The following PTPRG variants were observed in gnomAD, a reference collection of about 807,000 sequenced individuals.
PTPRG encodes the protein receptor-type tyrosine-protein phosphatase gamma.
PTPRG carries 102 observed loss-of-function variants against 165.3 expected under a neutral mutation model. That is an observed-to-expected ratio of 0.62 (90% CI 0.53 to 0.73). PTPRG has a LOEUF of 0.73. PTPRG is among the 30% of genes least tolerant of loss of function. The probability of loss-of-function intolerance (pLI) is 0.00; values close to 1 mark genes in which losing one functional copy is unlikely to be tolerated. For missense variants in PTPRG, 1,866 were observed against 1,861.4 expected (o/e 1.00, Z -0.05); for synonymous variants, 675 against 669.5 (o/e 1.01, Z -0.13).
intron 2 of PTPRG, among the ~76,000 whole-genome samples, chr3:61,864,964 A>G (rs763310407): frequency 1.3e-5 from 2 of 152,158 alleles, no homozygotes; most frequent in African/African-American, 2.4e-5. Context: ...TGCCACTGTC[A>G]TGGGGTCACA....
intron 6 of PTPRG, among the ~76,000 whole-genome samples, chr3:62,143,634 A>G (rs1359421196): frequency 1.3e-5 from 2 of 151,224 alleles, no homozygotes; most frequent in African/African-American, 4.9e-5. Flanking sequence ...AAGTAATCTC[A>G]CGTTGAACCT....
chr3:61,717,462 C>A (rs1339200793), intron 1 of PTPRG, among the ~76,000 whole-genome samples: 1 of 152,076 alleles, frequency 6.6e-6, no homozygotes, highest in Non-Finnish European at 1.5e-5. Flanking sequence ...ACTTTTTTTA[C>A]TTGAAGGAGA....
chr3:61,783,833 G>C (rs1277045783), intron 2 of PTPRG, among the ~76,000 whole-genome samples: 1 of 152,176 alleles, frequency 6.6e-6, no homozygotes, highest in Non-Finnish European at 1.5e-5. Context: ...TTGTCGTGGA[G>C]AGCCTTCATG....
chr3:61,969,635 T>G (rs2040341338), intron 2 of PTPRG, among the ~76,000 whole-genome samples: 1 of 152,016 alleles, frequency 6.6e-6, no homozygotes, highest in African/African-American at 2.4e-5. Context: ...TTAGAAAGTT[T>G]TTTCCATAAA....
intron 2 of PTPRG, among the ~76,000 whole-genome samples, chr3:61,889,431 T>C (rs975890206): frequency 1.3e-5 from 2 of 152,238 alleles, no homozygotes; most frequent in Non-Finnish European, 2.9e-5. Context: ...TTGTGTTATA[T>C]ATCCATGACC....
intron 2 of PTPRG, chr3:61,753,579 T>G (rs1051277776): frequency 4.8e-6 from 2 of 419,452 alleles, no homozygotes; most frequent in Non-Finnish European, 4.6e-6. Flanking sequence ...AAGTAGAAAT[T>G]TGAGGGTTTT....
intron 2 of PTPRG, among the ~76,000 whole-genome samples, chr3:61,920,109 A>G (rs1398655497): frequency 6.6e-6 from 1 of 152,220 alleles, no homozygotes; most frequent in Admixed American, 6.5e-5. Flanking sequence ...CTCCATAGGG[A>G]GATCCCACAT....
intron 2 of PTPRG, among the ~76,000 whole-genome samples, chr3:61,916,006 A>C (rs2038926979): frequency 1.3e-5 from 2 of 152,240 alleles, no homozygotes; most frequent in South Asian, 4.1e-4. Context: ...CAAGTAAACT[A>C]TTCAACTGCT....
intron 2 of PTPRG, among the ~76,000 whole-genome samples, chr3:61,903,483 C>T (rs1457727427): frequency 2.6e-5 from 4 of 152,176 alleles, no homozygotes; most frequent in Admixed American, 6.5e-5. Context: ...AGGTGATTCT[C>T]GTGTCTCAGC....
intron 4 of PTPRG, among the ~76,000 whole-genome samples, chr3:62,032,659 A>G (rs1299354888): frequency 3.3e-5 from 5 of 152,230 alleles, no homozygotes; most frequent in Non-Finnish European, 2.9e-5. Flanking sequence ...CGAGACTAAA[A>G]TGCAGTGAAA....
chr3:61,678,122 A>G (rs1703300170), intron 1 of PTPRG, among the ~76,000 whole-genome samples: 1 of 152,176 alleles, frequency 6.6e-6, no homozygotes. Flanking sequence ...CATCCAGCTC[A>G]GCTCGTGCTG....
chr3:61,576,779 T>C (rs530508415), intron 1 of PTPRG, among the ~76,000 whole-genome samples: 41 of 152,328 alleles, frequency 2.7e-4, no homozygotes, highest in African/African-American at 8.9e-4. Context: ...TTTGAACTTA[T>C]ATTTGACTCA....
At chr3:62,186,692 A>G (rs1026455449) in intron 8 of PTPRG, among the ~76,000 whole-genome samples, 2 of 149,736 alleles carry the variant, frequency 1.3e-5, no homozygotes, top group Admixed American at 1.3e-4. Flanking sequence ...TAGCCTCCTG[A>G]GTAGCTGGGA....
At chr3:62,138,066 G>C (rs1442937253) in intron 6 of PTPRG, among the ~76,000 whole-genome samples, 1 of 152,166 alleles carries the variant, frequency 6.6e-6, no homozygotes, top group Admixed American at 6.5e-5. Context: ...GAACTTCTTA[G>C]ACCACTGCTG....
chr3:62,058,700 C>G (rs1221447403), intron 4 of PTPRG, among the ~76,000 whole-genome samples: 1 of 152,092 alleles, frequency 6.6e-6, no homozygotes, highest in Admixed American at 6.6e-5. Context: ...CCCAAGTAGG[C>G]AGTAGGGACC....
rs546297764 is a variant in PTPRG at position 61,811,817 on chromosome 3, G to T, written c.190+62835G>T. ...ATATAAAAATTCCCTCAAGAGTGCT[G>T]ACAGCATACCTTGCCTGTTATTACA... On this transcript the variant is annotated intron_variant, in intron 2 of 29. Coordinates refer to ENST00000474889, the MANE Select transcript of PTPRG (RefSeq NM_002841.4). Among the ~76,000 whole-genome samples the T allele has an allele frequency of 2.6e-5, 4 of 152,280 alleles. No individual in the cohort carries two copies. In the South Asian group the frequency reaches 8.3e-4, roughly 32 times the overall value.
chr3:61,889,494 T>C (rs2038147169), intron 2 of PTPRG, among the ~76,000 whole-genome samples: 1 of 152,236 alleles, frequency 6.6e-6, no homozygotes. Flanking sequence ...AACATGATAG[T>C]GACATGTTTA....
At chr3:61,861,570 A>G (rs1216528569) in intron 2 of PTPRG, among the ~76,000 whole-genome samples, 7 of 152,234 alleles carry the variant, frequency 4.6e-5, no homozygotes, top group African/African-American at 1.7e-4. Flanking sequence ...GTTGTTGTTT[A>G]TGCAGAAAGT....
chr3:61,685,767 A>C (rs1703605632), intron 1 of PTPRG, among the ~76,000 whole-genome samples: 1 of 152,206 alleles, frequency 6.6e-6, no homozygotes, highest in Non-Finnish European at 1.5e-5. Context: ...TATTTCCTAC[A>C]CAGCATTTTA....
Sources: allele counts gnomAD v4.1 joint callset (sites outside exome capture counted in the v4.1 genomes callset), GRCh38; gene constraint gnomAD v4.1.1; transcripts MANE v1.5; gene names NCBI Gene and HGNC (gene_info 2026-07-23, HGNC 2026-07-21).